C12orf42: variants seen among roughly 807,000 people sequenced by gnomAD.
The protein encoded by C12orf42 is uncharacterized protein C12orf42.
Under a neutral mutation model 21.6 loss-of-function variants are expected in C12orf42, and 25 were observed. That is an observed-to-expected ratio of 1.16 (90% CI 0.84 to 1.62). The LOEUF (loss-of-function observed/expected upper bound fraction) is 1.62. Among genes scored for constraint, C12orf42 ranks in the 40% most tolerant of loss-of-function variants. The pLI is 0.00. For synonymous variants in C12orf42, 174 were observed against 175.0 expected (o/e 0.99, Z 0.05); for missense variants, 483 against 459.3 (o/e 1.05, Z -0.47).
At chr12:103,067,930 G>C in the C12orf42 span, among the ~76,000 whole-genome samples, 1 of 152,168 alleles carries the variant, frequency 6.6e-6, no homozygotes, top group Non-Finnish European at 1.5e-5. Flanking sequence ...TCATTAGGGC[G>C]TCTCTTAGTA....
chr12:103,277,543 C>G (rs2035844025), intron 4 of C12orf42, among the ~76,000 whole-genome samples: 1 of 152,044 alleles, frequency 6.6e-6, no homozygotes, highest in African/African-American at 2.4e-5. Context: ...CTGGTAGTTT[C>G]TGGATTACAC....
At chr12:103,220,521 T>C in the C12orf42 span, among the ~76,000 whole-genome samples, 1 of 152,204 alleles carries the variant, frequency 6.6e-6, no homozygotes, top group African/African-American at 2.4e-5. Context: ...TTTTTATACA[T>C]TTTTTAAAGG....
the C12orf42 span, chr12:103,558,630 C>T: frequency 4.6e-5 from 7 of 152,328 alleles, no homozygotes; most frequent in East Asian, 1.3e-3. Flanking sequence ...ATAGAATCTA[C>T]AGTAAATTCT....
the C12orf42 span, among the ~76,000 whole-genome samples, chr12:103,195,757 T>A: frequency 6.6e-6 from 1 of 152,138 alleles, no homozygotes; most frequent in African/African-American, 2.4e-5. Context: ...CTGTTGACAA[T>A]TTCCTTTGCT....
intron 2 of C12orf42, among the ~76,000 whole-genome samples, chr12:103,432,975 T>C (rs955511507): frequency 3.3e-5 from 5 of 152,194 alleles, no homozygotes; most frequent in South Asian, 2.1e-4. Flanking sequence ...TAATACACTA[T>C]ACAAAATAGA....
the C12orf42 span, among the ~76,000 whole-genome samples, chr12:103,228,921 C>G: frequency 6.6e-6 from 1 of 151,498 alleles, no homozygotes; most frequent in African/African-American, 2.4e-5. Context: ...TGTTATTTCT[C>G]TCATCTTTTC....
chr12:103,351,408 T>C (rs1298429681), intron 4 of C12orf42, among the ~76,000 whole-genome samples: 1 of 152,152 alleles, frequency 6.6e-6, no homozygotes, highest in Non-Finnish European at 1.5e-5. Context: ...CCTCAGAGCC[T>C]ACCCTGTCAC....
the C12orf42 span, among the ~76,000 whole-genome samples, chr12:103,554,224 G>T: frequency 6.6e-6 from 1 of 152,100 alleles, no homozygotes; most frequent in African/African-American, 2.4e-5. Context: ...AGGGCACTAT[G>T]CTTTTCCTAC....
At chr12:103,070,515 T>TACACACACACAC in the C12orf42 span, among the ~76,000 whole-genome samples, 16 of 120,050 alleles carry the variant, frequency 1.3e-4, no homozygotes, top group African/African-American at 4.0e-4. Flanking sequence ...TACATACACA[T>TACACACACACAC]ACACACACAC....
At chr12:103,234,534 C>T (rs771280846), downstream of C12orf42, among the ~76,000 whole-genome samples, 1 of 152,180 alleles carries the variant, frequency 6.6e-6, no homozygotes, top group Non-Finnish European at 1.5e-5. Flanking sequence ...CATTGGTACA[C>T]AGCAGATCCC....
chr12:103,466,761 A>T (rs1953169336), intron 2 of C12orf42, among the ~76,000 whole-genome samples: 1 of 152,234 alleles, frequency 6.6e-6, no homozygotes, highest in South Asian at 2.1e-4. Flanking sequence ...ATCTAGGCTT[A>T]GCCATGTTAC....
At chr12:103,361,451 G>A (rs2044097528) in intron 4 of C12orf42, among the ~76,000 whole-genome samples, 1 of 152,042 alleles carries the variant, frequency 6.6e-6, no homozygotes, top group African/African-American at 2.4e-5. Flanking sequence ...AGAGGTACTG[G>A]GAAAAGACCA....
chr12:103,104,873 G>A, the C12orf42 span, among the ~76,000 whole-genome samples: 1 of 152,174 alleles, frequency 6.6e-6, no homozygotes, highest in South Asian at 2.1e-4. Context: ...AGGAAAGAAC[G>A]TCATCTTCAC....
chr12:103,542,010 AT>A, the C12orf42 span, among the ~76,000 whole-genome samples: 9 of 152,352 alleles, frequency 5.9e-5, no homozygotes, highest in East Asian at 9.6e-4. Flanking sequence ...CACAGGAGCT[AT>A]TAAAGGATCT....
At chr12:103,385,205 A>G (rs1452175088) in intron 3 of C12orf42, among the ~76,000 whole-genome samples, 1 of 152,232 alleles carries the variant, frequency 6.6e-6, no homozygotes, top group Non-Finnish European at 1.5e-5. Flanking sequence ...GTTAAGAAAC[A>G]CTATTGCTGA....
rs138967541 is a variant in C12orf42 at position 103,322,893 on chromosome 12, A to G, written c.260-16548T>C. On this transcript the variant is annotated intron_variant, in intron 4 of 5. Transcript: ENST00000548883. ...CTTATTACCATCTCTTAGTGAATTC[A>G]AAAAACAAAAGTAACAATGACAATG... 2.3e-3 allele frequency among the ~76,000 whole-genome samples: 351 copies of G among 152,328 alleles called. 2 individuals are homozygous for G. Among genetic ancestry groups the G allele is most frequent in the African/African-American group, 8.2e-3 (342 of 41,566 alleles).
the C12orf42 span, among the ~76,000 whole-genome samples, chr12:103,077,931 T>C: frequency 6.6e-6 from 1 of 152,166 alleles, no homozygotes; most frequent in Admixed American, 6.6e-5. Flanking sequence ...CTCATGTTCA[T>C]CTTGTAGGGC....
At chr12:103,281,135 T>C (rs2036087898) in intron 4 of C12orf42, among the ~76,000 whole-genome samples, 1 of 152,214 alleles carries the variant, frequency 6.6e-6, no homozygotes, top group African/African-American at 2.4e-5. Flanking sequence ...GATGTCTATT[T>C]GAAAGAGTAA....
At chr12:103,069,892 C>A in the C12orf42 span, among the ~76,000 whole-genome samples, 1 of 152,158 alleles carries the variant, frequency 6.6e-6, no homozygotes, top group Non-Finnish European at 1.5e-5. Context: ...GGGCAGGTTT[C>A]CTGATACACT....
Sources: gnomAD v4.1 joint callset for allele counts (sites outside exome capture counted in the v4.1 genomes callset) on GRCh38, gnomAD v4.1.1 for gene constraint, MANE v1.5 for transcripts, NCBI Gene and HGNC (gene_info 2026-07-23, HGNC 2026-07-21) for gene names.